The following POU6F2 variants were observed in gnomAD, a reference collection of about 807,000 sequenced individuals.
POU6F2 encodes the protein POU class 6 homeobox 2.
In POU6F2, 31 loss-of-function variants were observed where a neutral mutation model predicts 71.3. That is an observed-to-expected ratio of 0.43 (90% confidence interval 0.33 to 0.59). The LOEUF is 0.59. Among genes scored for constraint, POU6F2 ranks in the 20% least tolerant of loss-of-function variants. The pLI, the probability that POU6F2 is intolerant of heterozygous loss-of-function variation, is 0.04. For missense variants in POU6F2, 783 were observed against 856.8 expected (o/e 0.91, Z 1.07); for synonymous variants, 347 against 355.7 (o/e 0.98, Z 0.27).
At chr7:39,289,302 T>A (rs1290463341) in intron 4 of POU6F2, among the ~76,000 whole-genome samples, 1 of 152,234 alleles carries the variant, frequency 6.6e-6, no homozygotes, top group African/African-American at 2.4e-5. Flanking sequence ...GGTCCAGCCT[T>A]GCTATGAACT....
At position 39,465,133 on chromosome 7, in the gene POU6F2, C is replaced by T. The variant is rs554006495; in HGVS notation, c.*447C>T. 26 of 159,728 alleles carry T rather than the reference C, an allele frequency of 1.6e-4. No individual in the cohort carries two copies. Among genetic ancestry groups the T allele is most frequent in the Non-Finnish European group, 2.9e-4 (21 of 72,580 alleles). The allele number at this position is 159,728 out of a possible 1,614,324, so 9.9% of individuals were successfully genotyped here. ...AACAAAAACTTTGATCTGTTCAAAG[C>T]GAATACAAGCCTGCCACCTGGAGGA... On this transcript the variant is annotated 3_prime_UTR_variant, in exon 10 of 10. Transcript: ENST00000518318.
chr7:39,432,591 C>T (rs991119408), intron 6 of POU6F2, among the ~76,000 whole-genome samples: 3 of 152,008 alleles, frequency 2.0e-5, no homozygotes, highest in Non-Finnish European at 4.4e-5. Context: ...GCCCCTCCCC[C>T]GACATTGAGA....
chr7:39,379,246 A>G lies in POU6F2; in HGVS notation c.973-27354A>G, dbSNP rs138448520. 1.1e-4 allele frequency among the ~76,000 whole-genome samples: 16 copies of G among 152,338 alleles called. No individual in the cohort carries two copies. The East Asian group carries it at 3.1e-3, about 29-fold the overall frequency. ...GGGATTTGTCTGGAGGTTAGGCCCAAGTTGGAGCTAGAACCACAGATTTTG... is the reference window on the plus strand; with the variant it reads ...GGGATTTGTCTGGAGGTTAGGCCCAGGTTGGAGCTAGAACCACAGATTTTG... On this transcript the variant is annotated intron_variant, in intron 5 of 9. Coordinates refer to ENST00000518318, the MANE Select transcript of POU6F2 (RefSeq NM_001370959.1).
intron 4 of POU6F2, among the ~76,000 whole-genome samples, chr7:39,281,838 C>T (rs2128759872): frequency 6.6e-6 from 1 of 152,248 alleles, no homozygotes. Context: ...ATTGCTGGAT[C>T]ATATGGTAGT....
At chr7:38,981,925 T>C (rs758176596) in intron 1 of POU6F2, among the ~76,000 whole-genome samples, 20 of 152,214 alleles carry the variant, frequency 1.3e-4, no homozygotes, top group Non-Finnish European at 2.8e-4. Context: ...TTCACCGTTA[T>C]AGCATCAAAA....
At chr7:39,252,387 G>T (rs1453358930) in intron 4 of POU6F2, among the ~76,000 whole-genome samples, 1 of 82,172 alleles carries the variant, frequency 1.2e-5, no homozygotes, top group Non-Finnish European at 2.7e-5. Flanking sequence ...CACACATACA[G>T]ACAGACAGAC....
At chr7:39,114,143 T>C (rs1791879823) in intron 2 of POU6F2, among the ~76,000 whole-genome samples, 1 of 152,156 alleles carries the variant, frequency 6.6e-6, no homozygotes, top group Admixed American at 6.6e-5. Flanking sequence ...AGTACTGAGA[T>C]TACACACATA....
At chr7:38,983,114 T>C (rs915072448) in intron 1 of POU6F2, among the ~76,000 whole-genome samples, 1 of 152,092 alleles carries the variant, frequency 6.6e-6, no homozygotes, top group Non-Finnish European at 1.5e-5. Context: ...TAATGCTTGA[T>C]TGAGTAGAAA....
intron 4 of POU6F2, among the ~76,000 whole-genome samples, chr7:39,274,647 C>G (rs1784402375): frequency 8.7e-6 from 1 of 115,010 alleles, no homozygotes; most frequent in South Asian, 3.4e-4. Flanking sequence ...TGCAAAAATC[C>G]TCAATAAAAT....
intron 2 of POU6F2, among the ~76,000 whole-genome samples, chr7:39,126,693 T>C (rs759939036): frequency 3.9e-5 from 6 of 152,216 alleles, no homozygotes; most frequent in African/African-American, 1.4e-4. Flanking sequence ...ATCTATCTCC[T>C]GAAAGCTAAC....
At chr7:39,012,514 TCTCTC>T (rs1248037695) in intron 1 of POU6F2, among the ~76,000 whole-genome samples, 1 of 151,710 alleles carries the variant, frequency 6.6e-6, no homozygotes, top group Non-Finnish European at 1.5e-5. Context: ...GAAGCCTTCT[TCTCTC>T]AGCTCATCAA....
At position 39,143,666 on chromosome 7, in the gene POU6F2, TA is replaced by T. The variant is rs1452065086; in HGVS notation, c.277+57636del. Among the ~76,000 whole-genome samples the T allele has an allele frequency of 3.9e-5, 6 of 152,172 alleles. 1 individual carries two copies. Among genetic ancestry groups the T allele is most frequent in the Non-Finnish European group, 8.8e-5 (6 of 68,042 alleles). On this transcript the variant is annotated intron_variant, in intron 2 of 9. Coordinates refer to ENST00000518318, the MANE Select transcript of POU6F2 (RefSeq NM_001370959.1). Reference sequence around the variant, plus strand: ...AAGACTCCCAGAGCTGAGGTTTTTGTATTAGTCTTTGAACTTCCAGGACCAA... The same window carrying T: ...AAGACTCCCAGAGCTGAGGTTTTTGTTTAGTCTTTGAACTTCCAGGACCAA...
chr7:39,191,092 C>T (rs542794186), intron 2 of POU6F2, among the ~76,000 whole-genome samples: 1 of 152,304 alleles, frequency 6.6e-6, no homozygotes, highest in South Asian at 2.1e-4. Context: ...ATATATAAAG[C>T]CCATTGACTA....
chr7:39,192,316 GT>G (rs1793686205), intron 2 of POU6F2, among the ~76,000 whole-genome samples: 1 of 152,104 alleles, frequency 6.6e-6, no homozygotes, highest in African/African-American at 2.4e-5. Flanking sequence ...TAGAAATGCT[GT>G]TTTATTTCTG....
At chr7:39,430,065 A>G (rs1168907283) in intron 6 of POU6F2, among the ~76,000 whole-genome samples, 1 of 152,224 alleles carries the variant, frequency 6.6e-6, no homozygotes, top group Non-Finnish European at 1.5e-5. Flanking sequence ...AAGGAATCAG[A>G]GCCAGCATAA....
intron 2 of POU6F2, among the ~76,000 whole-genome samples, chr7:39,148,988 A>T (rs993925623): frequency 6.6e-6 from 1 of 152,192 alleles, no homozygotes; most frequent in African/African-American, 2.4e-5. Context: ...AACCTTGAGC[A>T]TATTTATTTG....
At chr7:38,982,135 A>G (rs1051274330) in intron 1 of POU6F2, among the ~76,000 whole-genome samples, 1 of 152,194 alleles carries the variant, frequency 6.6e-6, no homozygotes, top group African/African-American at 2.4e-5. Flanking sequence ...CGTGCCTTAC[A>G]TATAAAAATG....
chr7:39,066,641 A>C (rs73373232), intron 1 of POU6F2, among the ~76,000 whole-genome samples: 2,880 of 151,504 alleles, frequency 0.019, 74 homozygotes, highest in African/African-American at 0.061. Context: ...CTTCCTGATA[A>C]TAATAAAATA....
intron 2 of POU6F2, among the ~76,000 whole-genome samples, chr7:39,091,180 G>A (rs1291337079): frequency 6.6e-6 from 1 of 152,068 alleles, no homozygotes; most frequent in Non-Finnish European, 1.5e-5. Flanking sequence ...ATAGAGAGAG[G>A]CACTGGTGTT....
Sources: gnomAD v4.1 joint callset for allele counts (sites outside exome capture counted in the v4.1 genomes callset) on GRCh38, gnomAD v4.1.1 for gene constraint, MANE v1.5 for transcripts, NCBI Gene and HGNC (gene_info 2026-07-23, HGNC 2026-07-21) for gene names.